The following MACROD2 variants were observed in gnomAD, a reference collection of about 807,000 sequenced individuals.
The protein encoded by MACROD2 is mono-ADP ribosylhydrolase 2, also known as ADP-ribose glycohydrolase MACROD2.
MACROD2 carries 36 observed loss-of-function variants against 70.4 expected under a neutral mutation model. That is an observed-to-expected ratio of 0.51 (90% CI 0.39 to 0.68). MACROD2 has a LOEUF of 0.68. Ranked by LOEUF, MACROD2 falls within the 30% of genes least tolerant of loss-of-function variation. MACROD2 has a pLI of 0.00. For missense variants in MACROD2, 496 were observed against 538.4 expected, an observed-to-expected ratio of 0.92 and a Z score of 0.78; for synonymous variants, 172 against 178.8, an observed-to-expected ratio of 0.96 and a Z score of 0.30.
At chr20:15,444,132 T>G (rs534622690) in intron 7 of MACROD2, among the ~76,000 whole-genome samples, 2 of 152,340 alleles carry the variant, frequency 1.3e-5, no homozygotes, top group Admixed American at 6.5e-5. Flanking sequence ...TAGATTTGCC[T>G]GTTTTGGGTA....
intron 5 of MACROD2, among the ~76,000 whole-genome samples, chr20:15,108,638 C>G (rs410527): frequency 0.12 from 17,883 of 152,196 alleles, 1,220 homozygotes; most frequent in Admixed American, 0.17. Flanking sequence ...ACTACACCAT[C>G]TTATTGAATA....
intron 6 of MACROD2, among the ~76,000 whole-genome samples, chr20:15,342,750 T>C (rs1055747372): frequency 1.3e-5 from 2 of 151,290 alleles, no homozygotes; most frequent in Non-Finnish European, 2.9e-5. Context: ...AAGAAAAGAG[T>C]GAAAGTGGGG....
At chr20:15,157,157 G>T (rs558977830) in intron 5 of MACROD2, among the ~76,000 whole-genome samples, 4 of 152,136 alleles carry the variant, frequency 2.6e-5, no homozygotes, top group African/African-American at 9.7e-5. Flanking sequence ...GGGTTCTGGA[G>T]GCTGGGAAGT....
At chr20:14,908,324 G>A (rs562474860) in intron 5 of MACROD2, among the ~76,000 whole-genome samples, 9 of 151,562 alleles carry the variant, frequency 5.9e-5, no homozygotes, top group African/African-American at 1.5e-4. Flanking sequence ...CTGGGTGACC[G>A]AGCAAGACTC....
chr20:15,486,024 A>G lies in MACROD2; in HGVS notation c.572-13750A>G, dbSNP rs1042903266. On this transcript the variant is annotated intron_variant, in intron 7 of 17. Transcript: ENST00000684519. The stretch of plus-strand genomic sequence containing the variant: ...AAATCCACTGTATAGCAATTTGGGG[A>G]GTTTAAGAAGTTTCCTTTGGGAGTT... 2.0e-5 allele frequency among the ~76,000 whole-genome samples: 3 copies of G among 152,182 alleles called. No homozygotes were observed. The East Asian group carries it at 5.8e-4, about 29-fold the overall frequency.
chr20:15,353,322 C>T (rs2146228134), intron 6 of MACROD2, among the ~76,000 whole-genome samples: 1 of 152,282 alleles, frequency 6.6e-6, no homozygotes, highest in Admixed American at 6.5e-5. Context: ...GAAACTGGAT[C>T]CCTTCCTTAC....
intron 6 of MACROD2, among the ~76,000 whole-genome samples, chr20:15,282,553 C>T (rs2077455211): frequency 1.3e-5 from 2 of 152,162 alleles, no homozygotes; most frequent in South Asian, 2.1e-4. Flanking sequence ...ATTTCTGGGG[C>T]AGAGGCAAAA....
Position 14,712,415 on chromosome 20 carries a change from A to G in MACROD2, c.418+27456A>G, listed in dbSNP as rs570414704. Reference sequence around the variant, plus strand: ...ATAGTGCCCGTCTAAAAAGTGATTAATAGATACCGCGGGTTGGAACAGGCT... The same window carrying G: ...ATAGTGCCCGTCTAAAAAGTGATTAGTAGATACCGCGGGTTGGAACAGGCT... On this transcript the variant is annotated intron_variant, in intron 5 of 17. Coordinates refer to ENST00000684519, the MANE Select transcript of MACROD2 (RefSeq NM_001351661.2). Among the ~76,000 whole-genome samples, 10 of 152,272 alleles carry G rather than the reference A, an allele frequency of 6.6e-5. No homozygotes were observed. In the South Asian group the frequency reaches 2.1e-3, roughly 32 times the overall value.
intron 2 of MACROD2, among the ~76,000 whole-genome samples, chr20:14,018,494 C>T (rs1046694374): frequency 3.3e-5 from 5 of 152,104 alleles, no homozygotes; most frequent in Non-Finnish European, 7.4e-5. Flanking sequence ...TGATTCCTTT[C>T]CCCATTTTTC....
intron 8 of MACROD2, among the ~76,000 whole-genome samples, chr20:15,704,230 C>T (rs1200626944): frequency 6.6e-6 from 1 of 152,182 alleles, no homozygotes; most frequent in East Asian, 1.9e-4. Flanking sequence ...GTGACACCTT[C>T]TCTGAATCCT....
intron 15 of MACROD2, among the ~76,000 whole-genome samples, chr20:16,028,666 T>C (rs1471387928): frequency 6.6e-6 from 1 of 152,168 alleles, no homozygotes; most frequent in African/African-American, 2.4e-5. Context: ...AAGGGTCTTT[T>C]GTAAAAACAG....
At chr20:15,291,260 G>C (rs1411695976) in intron 6 of MACROD2, among the ~76,000 whole-genome samples, 1 of 152,148 alleles carries the variant, frequency 6.6e-6, no homozygotes, top group African/African-American at 2.4e-5. Context: ...CCATCACTGG[G>C]GGTTCTCATT....
At chr20:14,301,508 T>C (rs916543921) in intron 3 of MACROD2, among the ~76,000 whole-genome samples, 2 of 152,170 alleles carry the variant, frequency 1.3e-5, no homozygotes, top group African/African-American at 4.8e-5. Flanking sequence ...TTCATGTCTA[T>C]GAACCACTGA....
chr20:15,864,824 G>A (rs2147167946), intron 9 of MACROD2, among the ~76,000 whole-genome samples: 1 of 152,198 alleles, frequency 6.6e-6, no homozygotes, highest in African/African-American at 2.4e-5. Flanking sequence ...ATTTACAATA[G>A]GAAGTACATT....
intron 6 of MACROD2, among the ~76,000 whole-genome samples, chr20:15,421,072 T>C (rs939801545): frequency 1.3e-5 from 2 of 151,912 alleles, no homozygotes; most frequent in Non-Finnish European, 2.9e-5. Context: ...GGCAATAGAG[T>C]GCCGTCCTTC....
At chr20:15,202,082 T>C (rs1480538023) in intron 5 of MACROD2, among the ~76,000 whole-genome samples, 1 of 152,228 alleles carries the variant, frequency 6.6e-6, no homozygotes, top group Non-Finnish European at 1.5e-5. Flanking sequence ...TGGTGCCTGA[T>C]ATTTGGAAGA....
intron 3 of MACROD2, among the ~76,000 whole-genome samples, chr20:14,317,214 C>T (rs2082619599): frequency 6.6e-6 from 1 of 152,166 alleles, no homozygotes; most frequent in Admixed American, 6.5e-5. Context: ...CTTTCTCTTA[C>T]CACCCAATCT....
chr20:15,879,997 A>T (rs927163362), intron 9 of MACROD2, among the ~76,000 whole-genome samples: 2 of 152,014 alleles, frequency 1.3e-5, no homozygotes, highest in Non-Finnish European at 2.9e-5. Context: ...GTTCCCTCTT[A>T]CTCTCCAGGG....
In MACROD2 at chr20:15,041,563, C is replaced by A. The variant is rs192054301; in HGVS notation, c.419-188377C>A. Among the ~76,000 whole-genome samples the A allele has an allele frequency of 1.3e-3, 192 of 152,104 alleles. 1 individual carries two copies. Among genetic ancestry groups the A allele is most frequent in the African/African-American group, 4.3e-3 (180 of 41,512 alleles). On this transcript the variant is annotated intron_variant, in intron 5 of 17. Coordinates refer to ENST00000684519, the MANE Select transcript of MACROD2 (RefSeq NM_001351661.2). ...CCTCCCACCTCAGTCTCCTGAGTAG[C>A]TGAGACCACAGGCATGTACCAACAC...
Sources: gnomAD v4.1 joint callset for allele counts (sites outside exome capture counted in the v4.1 genomes callset) on GRCh38, gnomAD v4.1.1 for gene constraint, MANE v1.5 for transcripts, NCBI Gene and HGNC (gene_info 2026-07-23, HGNC 2026-07-21) for gene names.